TENM3: variants seen among roughly 807,000 people sequenced by gnomAD.
TENM3 encodes the protein teneurin transmembrane protein 3, also known as teneurin-3.
TENM3 carries 63 observed loss-of-function variants against 255.1 expected under a neutral mutation model. The observed-to-expected ratio is 0.25, with a 90% CI of 0.20 to 0.30. The LOEUF is 0.30. Among genes scored for constraint, TENM3 ranks in the 10% least tolerant of loss-of-function variants. The probability of loss-of-function intolerance (pLI) is 1.00; values close to 1 mark genes in which losing one functional copy is unlikely to be tolerated. For missense variants in TENM3, 2,929 were observed against 3,461.1 expected, an observed-to-expected ratio of 0.85 and a Z score of 3.86; for synonymous variants, 1,306 against 1,322.3, an observed-to-expected ratio of 0.99 and a Z score of 0.27.
the TENM3 span, among the ~76,000 whole-genome samples, chr4:182,135,141 C>T: frequency 2.9e-3 from 373 of 127,152 alleles, 2 homozygotes; most frequent in African/African-American, 0.01. Flanking sequence ...GGGAGGCGGA[C>T]GTTGCAGTGA....
At position 182,387,368 on chromosome 4, in the gene TENM3, G is replaced by A. The variant is rs558691864; in HGVS notation, c.511+40439G>A. Among the ~76,000 whole-genome samples, 94 of 152,120 alleles carry A rather than the reference G, an allele frequency of 6.2e-4. 1 individual carries two copies. Among genetic ancestry groups the A allele is most frequent in the African/African-American group, 2.0e-3 (82 of 41,488 alleles). ...GTCCAAACTCTGTATCTAACTAATCGGATGGGGAGGTGGAGAACTTTTGTA... is the reference window on the plus strand; with the variant it reads ...GTCCAAACTCTGTATCTAACTAATCAGATGGGGAGGTGGAGAACTTTTGTA... On this transcript the variant is annotated intron_variant, in intron 3 of 27. Coordinates refer to ENST00000511685, the MANE Select transcript of TENM3 (RefSeq NM_001080477.4).
At chr4:182,063,010 A>G in the TENM3 span, among the ~76,000 whole-genome samples, 2 of 152,380 alleles carry the variant, frequency 1.3e-5, no homozygotes, top group South Asian at 4.1e-4. Context: ...TACTTAAAGA[A>G]GCAGATATCC....
chr4:182,676,713 G>C (rs1009905503), intron 7 of TENM3, among the ~76,000 whole-genome samples: 1 of 152,062 alleles, frequency 6.6e-6, no homozygotes, highest in African/African-American at 2.4e-5. Flanking sequence ...AACAAACATG[G>C]GCAAACTTTT....
At chr4:181,569,384 C>A in the TENM3 span, among the ~76,000 whole-genome samples, 1 of 152,138 alleles carries the variant, frequency 6.6e-6, no homozygotes, top group Non-Finnish European at 1.5e-5. Context: ...TATTATACTG[C>A]AAGTTGTTGA....
intron 13 of TENM3, among the ~76,000 whole-genome samples, chr4:182,726,138 CTT>C (rs1246954337): frequency 1.3e-5 from 2 of 152,132 alleles, no homozygotes; most frequent in Non-Finnish European, 2.9e-5. Flanking sequence ...TAACAAAAAA[CTT>C]AAAATATTAG....
intron 3 of TENM3, among the ~76,000 whole-genome samples, chr4:182,580,501 A>G (rs1243843656): frequency 6.6e-6 from 1 of 151,814 alleles, no homozygotes; most frequent in South Asian, 2.1e-4. Flanking sequence ...TTTTTTTTCA[A>G]TCAGGATGAA....
At chr4:181,810,438 AT>A in the TENM3 span, among the ~76,000 whole-genome samples, 71 of 152,062 alleles carry the variant, frequency 4.7e-4, 1 homozygote, top group African/African-American at 1.7e-3. Flanking sequence ...AAAATCTAAA[AT>A]TATTAGATTT....
At chr4:181,548,108 C>A in the TENM3 span, among the ~76,000 whole-genome samples, 1 of 152,198 alleles carries the variant, frequency 6.6e-6, no homozygotes, top group Admixed American at 6.5e-5. Flanking sequence ...TAGTTTCCAG[C>A]TTCATCCATC....
At chr4:182,356,492 G>T (rs1765539512) in intron 3 of TENM3, among the ~76,000 whole-genome samples, 1 of 152,048 alleles carries the variant, frequency 6.6e-6, no homozygotes, top group Non-Finnish European at 1.5e-5. Context: ...CGTGGCTGAG[G>T]GATCCAGGGA....
the TENM3 span, among the ~76,000 whole-genome samples, chr4:181,825,764 A>G: frequency 6.6e-6 from 1 of 152,328 alleles, no homozygotes; most frequent in Non-Finnish European, 1.5e-5. Context: ...AAATGTGGTG[A>G]ACATATGCCT....
At chr4:181,708,573 A>AT in the TENM3 span, among the ~76,000 whole-genome samples, 95 of 35,502 alleles carry the variant, frequency 2.7e-3, no homozygotes, top group East Asian at 0.027. Context: ...TAACTGAAGG[A>AT]TTTTTTTTTT....
rs548330595 is a variant in TENM3 at position 182,430,274 on chromosome 4, C to A, written c.511+83345C>A. ...TTAAAAAGAACGACTGTAGGCCGGG[C>A]GCAGTGGCTCACGCCTGTAATCCCA... On this transcript the variant is annotated intron_variant, in intron 3 of 27. Coordinates refer to ENST00000511685, the MANE Select transcript of TENM3 (RefSeq NM_001080477.4). 2.6e-5 allele frequency among the ~76,000 whole-genome samples: 4 copies of A among 152,302 alleles called. No individual in the cohort carries two copies. The East Asian group carries it at 7.7e-4, about 29-fold the overall frequency.
intron 5 of TENM3, among the ~76,000 whole-genome samples, chr4:182,632,596 CTCTTT>C (rs1751473884): frequency 6.6e-6 from 1 of 152,078 alleles, no homozygotes; most frequent in African/African-American, 2.4e-5. Flanking sequence ...TGGGGCTATT[CTCTTT>C]TCTTTTTGAT....
chr4:182,126,750 A>T, the TENM3 span, among the ~76,000 whole-genome samples: 1 of 151,884 alleles, frequency 6.6e-6, no homozygotes. Flanking sequence ...GTTGAAGTGA[A>T]AAAAGAACCC....
rs1767062913 is a variant in TENM3, at chr4:182,802,816, A to G, written c.*2465A>G. On this transcript the variant is annotated 3_prime_UTR_variant, in exon 28 of 28. Transcript: ENST00000511685. Reference sequence around the variant, plus strand: ...GGGGGTGGGGGACTGTATAATGAAAAGAATTAGCTTACAAAAAAGAAATTG... The same window carrying G: ...GGGGGTGGGGGACTGTATAATGAAAGGAATTAGCTTACAAAAAAGAAATTG... 1 of 152,676 alleles carries G rather than the reference A, an allele frequency of 6.5e-6. No individual in the cohort carries two copies. Among genetic ancestry groups the G allele is most frequent in the Non-Finnish European group, 1.5e-5 (1 of 68,036 alleles). 9.5% of individuals were successfully genotyped at this position (152,676 alleles called of 1,614,324 possible).
chr4:182,780,820 T>G (rs1323706713), intron 24 of TENM3, among the ~76,000 whole-genome samples: 3 of 151,672 alleles, frequency 2.0e-5, no homozygotes, highest in African/African-American at 4.9e-5. Flanking sequence ...TTGAAGCAAT[T>G]GTGAATGGGA....
At chr4:181,811,197 C>G in the TENM3 span, among the ~76,000 whole-genome samples, 2 of 152,144 alleles carry the variant, frequency 1.3e-5, no homozygotes, top group African/African-American at 4.8e-5. Flanking sequence ...TTGAAAGGAT[C>G]ACTTGACAGG....
At chr4:182,214,796 C>A (rs1345174228) in intron 1 of TENM3, among the ~76,000 whole-genome samples, 1 of 152,116 alleles carries the variant, frequency 6.6e-6, no homozygotes, top group African/African-American at 2.4e-5. Flanking sequence ...GACAGTGGTT[C>A]TATTCTTAAC....
At chr4:182,079,251 T>C in the TENM3 span, among the ~76,000 whole-genome samples, 23,614 of 152,062 alleles carry the variant, frequency 0.16, 1,843 homozygotes, top group Middle Eastern at 0.3. Context: ...GTGTGGTGGC[T>C]CATGCCTGTA....
Sources: gnomAD v4.1 joint callset for allele counts (sites outside exome capture counted in the v4.1 genomes callset) on GRCh38, gnomAD v4.1.1 for gene constraint, MANE v1.5 for transcripts, NCBI Gene and HGNC (gene_info 2026-07-23, HGNC 2026-07-21) for gene names.